Variants in HS6ST3 observed in about 807,000 individuals in gnomAD.
HS6ST3 encodes heparan sulfate 6-O-sulfotransferase 3.
Under a neutral mutation model 36.7 loss-of-function variants are expected in HS6ST3, and 12 were observed. The ratio of observed to expected loss-of-function variants is 0.33; its 90% CI spans 0.21 to 0.53. HS6ST3 has a LOEUF of 0.53. HS6ST3 is among the 20% of genes least tolerant of loss of function. The probability of loss-of-function intolerance (pLI) is 0.95; values close to 1 mark genes in which losing one functional copy is unlikely to be tolerated. For missense variants in HS6ST3, 584 were observed against 640.9 expected (o/e 0.91, Z 0.96); for synonymous variants, 240 against 257.5 (o/e 0.93, Z 0.65).
chr13:96,598,362 A>G (rs1169103711), intron 1 of HS6ST3, among the ~76,000 whole-genome samples: 1 of 151,890 alleles, frequency 6.6e-6, no homozygotes, highest in Non-Finnish European at 1.5e-5. Context: ...AGTGTTTTGT[A>G]TTTCTCCTTG....
chr13:96,195,820 C>T (rs1241686375), intron 1 of HS6ST3, among the ~76,000 whole-genome samples: 1 of 152,092 alleles, frequency 6.6e-6, no homozygotes, highest in Non-Finnish European at 1.5e-5. Context: ...CCTTGTTTGC[C>T]AAACCGGGAT....
chr13:96,738,484 T>C (rs975572845), intron 1 of HS6ST3, among the ~76,000 whole-genome samples: 2 of 152,256 alleles, frequency 1.3e-5, no homozygotes, highest in Non-Finnish European at 1.5e-5. Flanking sequence ...TCATGTTTCA[T>C]TGTTTATGAG....
intron 1 of HS6ST3, among the ~76,000 whole-genome samples, chr13:96,166,660 C>T (rs1360653173): frequency 6.7e-6 from 1 of 150,034 alleles, no homozygotes; most frequent in East Asian, 2.0e-4. Context: ...GATCAGCCCA[C>T]CTTGGCCTCC....
intron 1 of HS6ST3, among the ~76,000 whole-genome samples, chr13:96,614,190 C>G (rs185944076): frequency 1.4e-5 from 2 of 145,188 alleles, no homozygotes; most frequent in Non-Finnish European, 3.0e-5. Flanking sequence ...CCCAGCTACT[C>G]GGGAGGCTGA....
At chr13:96,511,930 A>G (rs2056051492) in intron 1 of HS6ST3, among the ~76,000 whole-genome samples, 1 of 152,166 alleles carries the variant, frequency 6.6e-6, no homozygotes, top group African/African-American at 2.4e-5. Context: ...CCAGATAATG[A>G]GCCAATTTCC....
intron 1 of HS6ST3, among the ~76,000 whole-genome samples, chr13:96,308,562 G>T (rs911200012): frequency 1.3e-5 from 2 of 152,060 alleles, no homozygotes; most frequent in African/African-American, 4.8e-5. Flanking sequence ...CGGTGGAAAA[G>T]ACTTATTTAA....
intron 1 of HS6ST3, among the ~76,000 whole-genome samples, chr13:96,792,909 A>G (rs145156112): frequency 8.7e-4 from 133 of 152,176 alleles, no homozygotes; most frequent in Admixed American, 4.1e-3. Flanking sequence ...TACCTGGGAA[A>G]CATTCGCAGT....
intron 1 of HS6ST3, among the ~76,000 whole-genome samples, chr13:96,591,345 C>A (rs989843295): frequency 6.6e-6 from 1 of 151,884 alleles, no homozygotes; most frequent in Non-Finnish European, 1.5e-5. Flanking sequence ...AATATATTTC[C>A]ATTTTTGGAG....
At chr13:96,139,567 A>AAAAAAAAAAAAAAAAAAAAAAAT (rs1491242538) in intron 1 of HS6ST3, among the ~76,000 whole-genome samples, 3 of 138,696 alleles carry the variant, frequency 2.2e-5, no homozygotes, top group African/African-American at 8.4e-5. Context: ...AAAAAAAAAA[A>AAAAAAAAAAAAAAAAAAAAAAAT]TCCATGTATA....
At chr13:96,497,031 G>A (rs111920555) in intron 1 of HS6ST3, among the ~76,000 whole-genome samples, 14 of 152,246 alleles carry the variant, frequency 9.2e-5, no homozygotes, top group African/African-American at 3.1e-4. Context: ...GTCTGATATA[G>A]CAGGTGGGAC....
At chr13:96,326,822 A>G (rs1028179980) in intron 1 of HS6ST3, among the ~76,000 whole-genome samples, 63 of 151,498 alleles carry the variant, frequency 4.2e-4, no homozygotes, top group African/African-American at 1.5e-3. Context: ...CTATTTCTCC[A>G]CATCCTCTCC....
chr13:96,259,297 A>G (rs1198703037), intron 1 of HS6ST3, among the ~76,000 whole-genome samples: 1 of 152,130 alleles, frequency 6.6e-6, no homozygotes, highest in Non-Finnish European at 1.5e-5. Context: ...ACCTTATCTT[A>G]AAGACATTGG....
chr13:96,408,657 C>T (rs917689481), intron 1 of HS6ST3, among the ~76,000 whole-genome samples: 1 of 152,062 alleles, frequency 6.6e-6, no homozygotes, highest in African/African-American at 2.4e-5. Context: ...GGCATGGTGG[C>T]TCATGCCTGT....
chr13:96,733,306 T>A (rs1472111559), intron 1 of HS6ST3, among the ~76,000 whole-genome samples: 1 of 152,252 alleles, frequency 6.6e-6, no homozygotes, highest in Non-Finnish European at 1.5e-5. Flanking sequence ...GTACATTCCT[T>A]CAATATGTAA....
At position 96,785,629 on chromosome 13, in the gene HS6ST3, C is replaced by T. The variant is rs565964712; in HGVS notation, c.708-46861C>T. ...CCGAGATTCTCCTTCCAAGGTCAGACAGATAAGCGCAGCATGGGCTGGAAC... is the reference window on the plus strand; with the variant it reads ...CCGAGATTCTCCTTCCAAGGTCAGATAGATAAGCGCAGCATGGGCTGGAAC... On this transcript the variant is annotated intron_variant, in intron 1 of 1. Coordinates refer to ENST00000376705, the MANE Select transcript of HS6ST3 (RefSeq NM_153456.4). Among the ~76,000 whole-genome samples, 21 of 152,152 alleles carry T rather than the reference C, an allele frequency of 1.4e-4. No individual in the cohort carries two copies. In the East Asian group the frequency reaches 1.9e-3, roughly 14 times the overall value.
At chr13:96,207,912 A>G (rs769105413) in intron 1 of HS6ST3, among the ~76,000 whole-genome samples, 2 of 152,142 alleles carry the variant, frequency 1.3e-5, no homozygotes, top group African/African-American at 2.4e-5. Context: ...GGGATGATCT[A>G]TGTAGCAAAC....
chr13:96,098,903 T>C (rs1233109698), intron 1 of HS6ST3, among the ~76,000 whole-genome samples: 1 of 152,188 alleles, frequency 6.6e-6, no homozygotes, highest in Non-Finnish European at 1.5e-5. Context: ...TTAGCTATTA[T>C]TATTTTCTCC....
intron 1 of HS6ST3, among the ~76,000 whole-genome samples, chr13:96,707,877 T>A (rs1324080926): frequency 6.6e-6 from 1 of 152,214 alleles, no homozygotes; most frequent in Admixed American, 6.5e-5. Context: ...AAGTATTCAA[T>A]ACCAGTCCTC....
chr13:96,377,084 G>T (rs2055318656), intron 1 of HS6ST3, among the ~76,000 whole-genome samples: 2 of 147,356 alleles, frequency 1.4e-5, no homozygotes, highest in Non-Finnish European at 3.0e-5. Flanking sequence ...ATATAATTAG[G>T]CCGAGTTTGG....
Sources: gnomAD v4.1 joint callset for allele counts (sites outside exome capture counted in the v4.1 genomes callset) on GRCh38, gnomAD v4.1.1 for gene constraint, MANE v1.5 for transcripts, NCBI Gene and HGNC (gene_info 2026-07-23, HGNC 2026-07-21) for gene names.